TRPC6: variants seen among roughly 807,000 people sequenced by gnomAD.
TRPC6 encodes the protein transient receptor potential cation channel subfamily C member 6, also known as short transient receptor potential channel 6.
In TRPC6, 55 loss-of-function variants were observed where a neutral mutation model predicts 90.7. The ratio of observed to expected loss-of-function variants is 0.61; its 90% CI spans 0.49 to 0.76. The LOEUF (loss-of-function observed/expected upper bound fraction) is 0.76. TRPC6 is among the 30% of genes least tolerant of loss of function. The probability of loss-of-function intolerance (pLI) is 0.00; values close to 1 mark genes in which losing one functional copy is unlikely to be tolerated. For synonymous variants in TRPC6, 393 were observed against 393.0 expected, an observed-to-expected ratio of 1.00 and a Z score of 0.00; for missense variants, 989 against 1,122.7, an observed-to-expected ratio of 0.88 and a Z score of 1.70.
intron 1 of TRPC6, among the ~76,000 whole-genome samples, chr11:101,563,389 T>C (rs978159556): frequency 3.3e-5 from 5 of 152,172 alleles, no homozygotes; most frequent in African/African-American, 1.2e-4. Flanking sequence ...CATGTGTACG[T>C]GTCTGTCTTT....
intron 1 of TRPC6, among the ~76,000 whole-genome samples, chr11:101,522,694 T>C (rs1860689285): frequency 6.6e-6 from 1 of 152,198 alleles, no homozygotes; most frequent in Non-Finnish European, 1.5e-5. Flanking sequence ...TATGAAAGCA[T>C]TTATTTTCCC....
intron 1 of TRPC6, among the ~76,000 whole-genome samples, chr11:101,533,589 G>A (rs78693717): frequency 0.016 from 2,408 of 152,232 alleles, 74 homozygotes; most frequent in South Asian, 0.047. Context: ...TAGGTCTGAA[G>A]TGCCAAGTGA....
At chr11:101,463,064 AATC>A (rs1224512003) in intron 10 of TRPC6, among the ~76,000 whole-genome samples, 12 of 152,182 alleles carry the variant, frequency 7.9e-5, no homozygotes, top group African/African-American at 2.9e-4. Context: ...CTATTGAGAT[AATC>A]ATGTGGTTTT....
intron 1 of TRPC6, among the ~76,000 whole-genome samples, chr11:101,558,287 ATACAT>A (rs1419925235): frequency 9.2e-5 from 12 of 130,390 alleles, no homozygotes; most frequent in African/African-American, 2.5e-4. Context: ...GTATATATGT[ATACAT>A]GTATATGGGT....
intron 1 of TRPC6, among the ~76,000 whole-genome samples, chr11:101,520,441 T>C (rs1242030142): frequency 6.6e-6 from 1 of 152,124 alleles, no homozygotes; most frequent in Non-Finnish European, 1.5e-5. Flanking sequence ...AGAAAATTGG[T>C]AACAGAGAAG....
chr11:101,461,523 G>C (rs910024411), intron 10 of TRPC6, among the ~76,000 whole-genome samples: 3 of 152,218 alleles, frequency 2.0e-5, no homozygotes, highest in African/African-American at 7.2e-5. Context: ...AGCAAGCCAT[G>C]ATGGCACCAG....
At chr11:101,454,183 C>A (rs369450468) in intron 11 of TRPC6, among the ~76,000 whole-genome samples, 1 of 152,074 alleles carries the variant, frequency 6.6e-6, no homozygotes, top group Admixed American at 6.6e-5. Context: ...ATGCTAGTTT[C>A]AATGTAATAT....
chr11:101,512,762 A>T (rs927027876), intron 1 of TRPC6, among the ~76,000 whole-genome samples: 2 of 152,180 alleles, frequency 1.3e-5, no homozygotes, highest in African/African-American at 4.8e-5. Flanking sequence ...GGGAATATTA[A>T]AAAGTTTCTT....
intron 10 of TRPC6, among the ~76,000 whole-genome samples, chr11:101,468,089 C>T (rs1385477454): frequency 6.6e-6 from 1 of 152,182 alleles, no homozygotes; most frequent in Non-Finnish European, 1.5e-5. Flanking sequence ...GGACGATTTC[C>T]ACTTGCCTTC....
intron 12 of TRPC6, among the ~76,000 whole-genome samples, 181 bp from the exon 13 acceptor site, chr11:101,453,287 G>A (rs1393401883): frequency 6.6e-6 from 1 of 152,176 alleles, no homozygotes; most frequent in Non-Finnish European, 1.5e-5. Context: ...TTTTGTGAAT[G>A]AAGAGATTAT....
chr11:101,467,987 C>G (rs968327620), intron 10 of TRPC6, among the ~76,000 whole-genome samples: 5 of 152,138 alleles, frequency 3.3e-5, no homozygotes, highest in African/African-American at 7.2e-5. Flanking sequence ...TCTAGATTCA[C>G]CTGGATAGGC....
intron 10 of TRPC6, among the ~76,000 whole-genome samples, chr11:101,457,318 C>T (rs1286897626): frequency 2.0e-5 from 3 of 152,078 alleles, no homozygotes; most frequent in African/African-American, 7.2e-5. Flanking sequence ...TTTATGCATT[C>T]TTTATTCATT....
At chr11:101,558,338 CATGTATATATGTAT>C in intron 1 of TRPC6, among the ~76,000 whole-genome samples, 3 of 128,164 alleles carry the variant, frequency 2.3e-5, no homozygotes, top group Admixed American at 7.6e-5. Context: ...TATGGGTATA[CATGTATATATGTAT>C]ACATGTATAT....
At chr11:101,562,874 T>G (rs1176702995) in intron 1 of TRPC6, among the ~76,000 whole-genome samples, 1 of 152,098 alleles carries the variant, frequency 6.6e-6, no homozygotes, top group Non-Finnish European at 1.5e-5. Context: ...AGCTGCAAAA[T>G]GGAGAAAATA....
At chr11:101,471,428 A>T in intron 8 of TRPC6, 42 bp from the exon 9 acceptor site, 1 of 1,597,642 alleles carries the variant, frequency 6.3e-7, no homozygotes, top group South Asian at 1.1e-5. Flanking sequence ...AAATGCATAA[A>T]CAGAATTACT....
At chr11:101,485,278 G>GTT (rs11325078) in intron 4 of TRPC6, among the ~76,000 whole-genome samples, 1 of 146,684 alleles carries the variant, frequency 6.8e-6, no homozygotes, top group Non-Finnish European at 1.5e-5. Flanking sequence ...GAGTATTTTT[G>GTT]TTTTTTTTTT....
chr11:101,540,032 C>T (rs1226503398), intron 1 of TRPC6, among the ~76,000 whole-genome samples: 1 of 152,144 alleles, frequency 6.6e-6, no homozygotes, highest in Non-Finnish European at 1.5e-5. Context: ...CTACTTATGT[C>T]AAAATACAGC....
intron 1 of TRPC6, among the ~76,000 whole-genome samples, chr11:101,545,023 A>G (rs61916053): frequency 0.26 from 38,792 of 152,016 alleles, 5,744 homozygotes; most frequent in Non-Finnish European, 0.34. Flanking sequence ...ATTTATGAAG[A>G]TCACCTAGCC....
At chr11:101,476,211 GA>G in intron 6 of TRPC6, 89 bp downstream of exon 6, 1 of 1,058,368 alleles carries the variant, frequency 9.4e-7, no homozygotes, top group Non-Finnish European at 1.4e-6. Context: ...ACAATTTTAT[GA>G]GAATTGTGCA....
Sources: gnomAD v4.1 joint callset for allele counts (sites outside exome capture counted in the v4.1 genomes callset) on GRCh38, gnomAD v4.1.1 for gene constraint, MANE v1.5 for transcripts, NCBI Gene and HGNC (gene_info 2026-07-23, HGNC 2026-07-21) for gene names.